Variants in RTTN observed in about 807,000 individuals in gnomAD.
The protein encoded by RTTN is rotatin.
RTTN carries 182 observed loss-of-function variants against 269.2 expected under a neutral mutation model. The ratio of observed to expected loss-of-function variants is 0.68; its 90% confidence interval spans 0.60 to 0.76. The LOEUF is 0.76. Among genes scored for constraint, RTTN ranks in the 30% least tolerant of loss-of-function variants. The pLI is 0.00. For missense variants in RTTN, 2,545 were observed against 2,608.6 expected (o/e 0.98, Z 0.53); for synonymous variants, 1,006 against 963.5 (o/e 1.04, Z -0.82).
At chr18:70,091,792 G>T (rs2058854728) in intron 30 of RTTN, 2 of 152,522 alleles carry the variant, frequency 1.3e-5, no homozygotes, top group Non-Finnish European at 2.8e-5. Flanking sequence ...TTGCTCTGTT[G>T]CCCAGGCTGG....
chr18:70,131,025 C>T (rs1001206901), intron 23 of RTTN: 1 of 151,308 alleles, frequency 6.6e-6, no homozygotes. Context: ...AACACAGTTC[C>T]TTCAAAGAAG....
intron 28 of RTTN, among the ~76,000 whole-genome samples, chr18:70,095,137 T>TTC (rs2058966403): frequency 6.6e-6 from 1 of 151,682 alleles, no homozygotes; most frequent in African/African-American, 2.4e-5. Flanking sequence ...CTTTTTTTTT[T>TTC]CTTTCCATTT....
chr18:70,201,036 G>A (rs2061931703), intron 4 of RTTN, among the ~76,000 whole-genome samples: 1 of 152,224 alleles, frequency 6.6e-6, no homozygotes, highest in Admixed American at 6.5e-5. Context: ...CATAGGAAGT[G>A]ATCACTGGCT....
At chr18:70,155,739 G>A (rs547076484) in intron 14 of RTTN, among the ~76,000 whole-genome samples, 5 of 152,360 alleles carry the variant, frequency 3.3e-5, no homozygotes, top group Non-Finnish European at 5.9e-5. Flanking sequence ...CAGGGACCCC[G>A]AACGGAGGGA....
intron 14 of RTTN, 118 bp downstream of exon 14, chr18:70,165,944 T>C (rs2060972733): frequency 1.1e-6 from 1 of 936,578 alleles, no homozygotes; most frequent in Non-Finnish European, 1.5e-6. Context: ...CATCTACTTT[T>C]ATGGGATATA....
intron 4 of RTTN, among the ~76,000 whole-genome samples, chr18:70,201,321 G>C (rs559016897): frequency 8.5e-5 from 13 of 152,104 alleles, no homozygotes; most frequent in Non-Finnish European, 1.9e-4. Flanking sequence ...ACTCATGTTC[G>C]GCCGGGCGCG....
intron 25 of RTTN, among the ~76,000 whole-genome samples, chr18:70,123,991 GGA>G (rs2059801342): frequency 6.6e-6 from 1 of 151,774 alleles, no homozygotes; most frequent in South Asian, 2.1e-4. Context: ...CAGATCTCAG[GGA>G]GAGTCCTAAG....
At chr18:70,095,813 T>C (rs1472978299) in intron 28 of RTTN, among the ~76,000 whole-genome samples, 2 of 152,138 alleles carry the variant, frequency 1.3e-5, no homozygotes, top group East Asian at 1.9e-4. Context: ...TGGTGATCTC[T>C]GTATTTCCTG....
chr18:70,142,729 A>G (rs1338008702), intron 18 of RTTN, among the ~76,000 whole-genome samples: 1 of 152,220 alleles, frequency 6.6e-6, no homozygotes, highest in Non-Finnish European at 1.5e-5. Context: ...CACGCCTATA[A>G]TCCCAGCACT....
chr18:70,112,382 C>A (rs1599609153), intron 27 of RTTN, among the ~76,000 whole-genome samples: 2 of 148,390 alleles, frequency 1.3e-5, no homozygotes, highest in East Asian at 4.1e-4. Context: ...AGAGTCAAGA[C>A]CTATCAGTGT....
intron 28 of RTTN, among the ~76,000 whole-genome samples, chr18:70,108,817 C>A (rs148915107): frequency 5.7e-4 from 86 of 150,968 alleles, no homozygotes; most frequent in African/African-American, 2.0e-3. Flanking sequence ...AAGCTCCTAG[C>A]AAAACAGGAC....
At chr18:70,196,423 A>C in intron 7 of RTTN, 78 bp downstream of exon 7, 1 of 1,296,304 alleles carries the variant, frequency 7.7e-7, no homozygotes, top group Non-Finnish European at 1.1e-6. Flanking sequence ...AATAAACCCT[A>C]ACAGTAACTA....
rs118003651 is a variant in RTTN at position 70,026,211 on chromosome 18, T to C, written c.5824-1363A>G. Reference sequence around the variant, plus strand: ...CGCTTAAGCACGGTGGCATTTGCTATATGTCTCTTAATTTCCCCGCTGCTG... The same window carrying C: ...CGCTTAAGCACGGTGGCATTTGCTACATGTCTCTTAATTTCCCCGCTGCTG... On this transcript the variant is annotated intron_variant, in intron 43 of 48. Transcript: ENST00000640769. Among the ~76,000 whole-genome samples, 694 of 152,334 alleles carry C rather than the reference T, an allele frequency of 4.6e-3. 2 individuals carry two copies. Among genetic ancestry groups the C allele is most frequent in the Non-Finnish European group, 7.5e-3 (508 of 68,028 alleles).
In RTTN at chr18:70,060,528, A is replaced by G. The variant is rs559725462; in HGVS notation, c.4748-486T>C. 3.3e-5 allele frequency among the ~76,000 whole-genome samples: 5 copies of G among 152,330 alleles called. No homozygotes were observed. The East Asian group carries it at 9.6e-4, about 29-fold the overall frequency. On this transcript the variant is annotated intron_variant, in intron 35 of 48. Transcript: ENST00000640769. The stretch of plus-strand genomic sequence containing the variant: ...TATGGGGTACACATGATATTTTGAT[A>G]CAGGCATACTATGTGCAATGCTCAA...
At chr18:70,067,603 T>C (rs1340614066) in intron 34 of RTTN, among the ~76,000 whole-genome samples, 3 of 152,360 alleles carry the variant, frequency 2.0e-5, no homozygotes, top group Non-Finnish European at 4.4e-5. Flanking sequence ...TCACAAACTA[T>C]GCACAAGCTA....
At chr18:70,155,426 T>C (rs1257292984) in intron 14 of RTTN, among the ~76,000 whole-genome samples, 1 of 152,188 alleles carries the variant, frequency 6.6e-6, no homozygotes, top group African/African-American at 2.4e-5. Flanking sequence ...TAAACAAGAT[T>C]ATAAAATAAA....
chr18:70,204,387 T>C (rs1353114480), intron 2 of RTTN, 124 bp from the exon 3 acceptor site: 9 of 890,740 alleles, frequency 1.0e-5, no homozygotes, highest in African/African-American at 5.1e-5. Flanking sequence ...AAATCCTTCA[T>C]GGCTCTGCCC....
intron 23 of RTTN, among the ~76,000 whole-genome samples, chr18:70,132,956 A>G (rs572906760): frequency 1.3e-5 from 2 of 152,086 alleles, no homozygotes; most frequent in Non-Finnish European, 2.9e-5. Context: ...ATAGATATGG[A>G]ATGTCAAGAA....
At chr18:70,006,336 C>G (rs1041584718) in intron 47 of RTTN, 45 bp downstream of exon 47, 3 of 1,375,060 alleles carry the variant, frequency 2.2e-6, no homozygotes, top group Admixed American at 3.4e-5. Context: ...TGGGTTATAC[C>G]TTGTTGTTTG....
Sources: allele counts gnomAD v4.1 joint callset (sites outside exome capture counted in the v4.1 genomes callset), GRCh38; gene constraint gnomAD v4.1.1; transcripts MANE v1.5; gene names NCBI Gene and HGNC (gene_info 2026-07-23, HGNC 2026-07-21).